The following TNKS variants were observed in gnomAD, a reference collection of about 807,000 sequenced individuals.
The protein encoded by TNKS is poly [ADP-ribose] polymerase tankyrase-1.
TNKS carries 72 observed loss-of-function variants against 135.8 expected under a neutral mutation model. The observed-to-expected ratio is 0.53, with a 90% CI of 0.44 to 0.64. TNKS has a LOEUF of 0.64. Among genes scored for constraint, TNKS ranks in the 30% least tolerant of loss-of-function variants. The pLI is 0.00. For missense variants in TNKS, 1,769 were observed against 1,674.0 expected (o/e 1.06, Z -0.99); for synonymous variants, 849 against 649.3 (o/e 1.31, Z -4.68).
chr8:9,746,850 G>A lies in TNKS; in HGVS notation c.2644-1174G>A, dbSNP rs527681324. The stretch of plus-strand genomic sequence containing the variant: ...CCTCAGAAGGTGCCTACCTCAGTGA[G>A]CCTTATCTGAGAGTTTCATACCTAC... On this transcript the variant is annotated intron_variant, in intron 17 of 26. Coordinates refer to ENST00000310430, the MANE Select transcript of TNKS (RefSeq NM_003747.3). Among the ~76,000 whole-genome samples, 45 of 146,556 alleles carry A rather than the reference G, an allele frequency of 3.1e-4. 1 individual carries two copies. Among genetic ancestry groups the A allele is most frequent in the African/African-American group, 1.1e-3 (44 of 39,138 alleles).
At chr8:9,660,149 A>G (rs1024060269) in intron 3 of TNKS, among the ~76,000 whole-genome samples, 19 of 152,334 alleles carry the variant, frequency 1.2e-4, no homozygotes, top group Non-Finnish European at 2.6e-4. Flanking sequence ...GCCGAATTCT[A>G]CCAGAGGTAC....
chr8:9,682,522 C>G (rs1802824487), intron 5 of TNKS, among the ~76,000 whole-genome samples: 1 of 151,968 alleles, frequency 6.6e-6, no homozygotes, highest in South Asian at 2.1e-4. Flanking sequence ...CAATGTATTC[C>G]TCATCCAAAT....
rs767453294 is a variant in TNKS at position 9,771,320 on chromosome 8, AGAAAG to A, written c.3897+1061_3897+1065del. ...GGAGAGAGGAAGGAAGGAAGAGAGAAGAAAGGAGGGAGAGAGAGGAAGGGAAGCAG... is the reference window on the plus strand; with the variant it reads ...GGAGAGAGGAAGGAAGGAAGAGAGAAGAGGGAGAGAGAGGAAGGGAAGCAG... On this transcript the variant is annotated intron_variant, in intron 26 of 26. Transcript: ENST00000310430. 3.2e-4 allele frequency among the ~76,000 whole-genome samples: 37 copies of A among 117,020 alleles called. No homozygotes were observed. In the South Asian group the frequency reaches 0.011, roughly 34 times the overall value. The allele number at this position is 117,020 out of a possible 152,430, so 76.8% of individuals were successfully genotyped here.
intron 2 of TNKS, among the ~76,000 whole-genome samples, chr8:9,598,922 A>G (rs1240271640): frequency 6.6e-6 from 1 of 150,546 alleles, no homozygotes; most frequent in African/African-American, 2.4e-5. Context: ...CAGTTTAGGG[A>G]AAGATTCACA....
intron 2 of TNKS, among the ~76,000 whole-genome samples, chr8:9,605,302 T>G (rs1052170021): frequency 6.6e-6 from 1 of 152,112 alleles, no homozygotes; most frequent in South Asian, 2.1e-4. Context: ...TTTGAAGTTT[T>G]GGAGATTTCA....
intron 3 of TNKS, among the ~76,000 whole-genome samples, chr8:9,647,013 G>A (rs1469151104): frequency 6.6e-6 from 1 of 152,132 alleles, no homozygotes; most frequent in African/African-American, 2.4e-5. Context: ...AAACTAAAAC[G>A]TGGATCAGAT....
intron 2 of TNKS, among the ~76,000 whole-genome samples, chr8:9,588,362 C>T (rs1237318073): frequency 6.6e-6 from 1 of 152,046 alleles, no homozygotes; most frequent in Non-Finnish European, 1.5e-5. Flanking sequence ...GCAAGCTCTG[C>T]CTCCCAGGTT....
chr8:9,614,086 T>C (rs1482701400), intron 2 of TNKS, among the ~76,000 whole-genome samples: 1 of 152,238 alleles, frequency 6.6e-6, no homozygotes, highest in Non-Finnish European at 1.5e-5. Context: ...TTGCATTTGA[T>C]ACTTGAGTCT....
chr8:9,766,965 T>C (rs1807486622), intron 25 of TNKS, among the ~76,000 whole-genome samples: 1 of 152,190 alleles, frequency 6.6e-6, no homozygotes. Flanking sequence ...TCACGGGTTA[T>C]GATAAAACTC....
At chr8:9,670,300 G>A (rs1802217037) in intron 3 of TNKS, 1 of 152,130 alleles carries the variant, frequency 6.6e-6, no homozygotes, top group African/African-American at 2.4e-5. Context: ...ATATAAGTCA[G>A]GAGAACATTT....
intron 1 of TNKS, among the ~76,000 whole-genome samples, chr8:9,578,298 G>C (rs1346629498): frequency 6.6e-6 from 1 of 152,208 alleles, no homozygotes; most frequent in Non-Finnish European, 1.5e-5. Flanking sequence ...TGATGGTAGA[G>C]GGAAGGAAGT....
chr8:9,717,101 A>ATATATTTTTT (rs1454492300), intron 11 of TNKS, among the ~76,000 whole-genome samples: 3 of 119,336 alleles, frequency 2.5e-5, no homozygotes, highest in Admixed American at 8.6e-5. Context: ...ATATATATAT[A>ATATATTTTTT]TTTTCAGGGA....
At chr8:9,657,408 G>A (rs1341963719) in intron 3 of TNKS, among the ~76,000 whole-genome samples, 14 of 91,944 alleles carry the variant, frequency 1.5e-4, no homozygotes, top group East Asian at 3.8e-4. Context: ...CAGACGGGGC[G>A]GCTGGCCGGG....
chr8:9,707,114 C>T, intron 8 of TNKS, 117 bp downstream of exon 8: 1 of 866,814 alleles, frequency 1.2e-6, no homozygotes, highest in Middle Eastern at 3.6e-4. Flanking sequence ...ATTCATAATC[C>T]TCATTTCTAA....
Position 9,780,366 on chromosome 8 carries a change from G to T in TNKS, c.*3630G>T, listed in dbSNP as rs181956215. 1 of 152,110 alleles carries T rather than the reference G, an allele frequency of 6.6e-6. No homozygotes were observed. Among genetic ancestry groups the T allele is most frequent in the East Asian group, 1.9e-4 (1 of 5,196 alleles). 9.4% of individuals were successfully genotyped at this position (152,110 alleles called of 1,614,324 possible). On this transcript the variant is annotated 3_prime_UTR_variant, in exon 27 of 27. Coordinates refer to ENST00000310430, the MANE Select transcript of TNKS (RefSeq NM_003747.3). ...TTTTCTGTTGGACTAATTGTCTCAC[G>T]TAAAGCTATAGACCTTACTAATTTG...
At chr8:9,718,921 T>TC (rs1426471297) in intron 11 of TNKS, among the ~76,000 whole-genome samples, 1 of 152,198 alleles carries the variant, frequency 6.6e-6, no homozygotes, top group Admixed American at 6.5e-5. Flanking sequence ...GATTGGGAGT[T>TC]CCCATTACTA....
At chr8:9,623,724 G>C (rs1014433647) in intron 3 of TNKS, among the ~76,000 whole-genome samples, 1 of 152,104 alleles carries the variant, frequency 6.6e-6, no homozygotes, top group Non-Finnish European at 1.5e-5. Flanking sequence ...TTTCTGGGCT[G>C]GGTGCTGTGG....
At chr8:9,650,434 A>C (rs35757213) in intron 3 of TNKS, among the ~76,000 whole-genome samples, 17,860 of 152,218 alleles carry the variant, frequency 0.12, 1,259 homozygotes, top group Admixed American at 0.22. Flanking sequence ...CATTCCCACC[A>C]GTAGTGTAAA....
chr8:9,644,403 A>G (rs1415399754), intron 3 of TNKS, among the ~76,000 whole-genome samples: 2 of 152,184 alleles, frequency 1.3e-5, no homozygotes, highest in African/African-American at 2.4e-5. Context: ...CTCTGTTATC[A>G]TTATAGTTTA....
Sources: allele counts gnomAD v4.1 joint callset (sites outside exome capture counted in the v4.1 genomes callset), GRCh38; gene constraint gnomAD v4.1.1; transcripts MANE v1.5; gene names NCBI Gene and HGNC (gene_info 2026-07-23, HGNC 2026-07-21).